GRM8: variants seen among roughly 807,000 people sequenced by gnomAD.
The protein encoded by GRM8 is glutamate metabotropic receptor 8, also known as metabotropic glutamate receptor 8.
Under a neutral mutation model 87.2 loss-of-function variants are expected in GRM8, and 47 were observed. The observed-to-expected ratio is 0.54, with a 90% CI of 0.43 to 0.69. The LOEUF (loss-of-function observed/expected upper bound fraction) is 0.69. Ranked by LOEUF, GRM8 falls within the 30% of genes least tolerant of loss-of-function variation. GRM8 has a pLI of 0.00. For synonymous variants in GRM8, 396 were observed against 404.5 expected, an observed-to-expected ratio of 0.98 and a Z score of 0.25; for missense variants, 1,019 against 1,139.2, an observed-to-expected ratio of 0.89 and a Z score of 1.52.
chr7:127,121,378 A>C (rs1459390122), intron 2 of GRM8, among the ~76,000 whole-genome samples: 1 of 152,118 alleles, frequency 6.6e-6, no homozygotes, highest in Middle Eastern at 3.2e-3. Context: ...CTTGGGAATG[A>C]GTCTTCTCTG....
intron 6 of GRM8, among the ~76,000 whole-genome samples, chr7:126,798,685 A>T (rs1822271309): frequency 6.6e-6 from 1 of 152,146 alleles, no homozygotes; most frequent in Non-Finnish European, 1.5e-5. Context: ...GTTTCCTTCA[A>T]CAAGACGTTT....
At chr7:127,216,857 C>G (rs1399271472) in intron 2 of GRM8, among the ~76,000 whole-genome samples, 2 of 152,076 alleles carry the variant, frequency 1.3e-5, no homozygotes, top group South Asian at 2.1e-4. Context: ...TACATGGGTC[C>G]CACTTCTCAT....
At chr7:126,732,428 T>C (rs1813706953) in intron 7 of GRM8, among the ~76,000 whole-genome samples, 1 of 152,156 alleles carries the variant, frequency 6.6e-6, no homozygotes, top group South Asian at 2.1e-4. Flanking sequence ...GCATCTTGTG[T>C]GAATTGTGCC....
chr7:126,649,053 C>T (rs1338531292), intron 7 of GRM8, among the ~76,000 whole-genome samples: 1 of 152,200 alleles, frequency 6.6e-6, no homozygotes, highest in African/African-American at 2.4e-5. Flanking sequence ...ATCACACTAT[C>T]TTAATCTATG....
chr7:127,184,537 C>G (rs1794639368), intron 2 of GRM8, among the ~76,000 whole-genome samples: 1 of 151,906 alleles, frequency 6.6e-6, no homozygotes, highest in Non-Finnish European at 1.5e-5. Flanking sequence ...CACTTCCTTA[C>G]TTAATAGTGA....
chr7:126,985,618 A>G (rs1206579766), intron 3 of GRM8, among the ~76,000 whole-genome samples: 1 of 152,200 alleles, frequency 6.6e-6, no homozygotes, highest in African/African-American at 2.4e-5. Flanking sequence ...GGTGAGAGCC[A>G]TCTTGCTGGC....
intron 2 of GRM8, among the ~76,000 whole-genome samples, chr7:127,127,925 T>A (rs955573037): frequency 7.2e-5 from 11 of 152,062 alleles, no homozygotes; most frequent in Non-Finnish European, 1.5e-4. Context: ...TCAACACTCA[T>A]GTTCATGCAA....
chr7:126,837,063 A>AT (rs1298522643), intron 6 of GRM8, among the ~76,000 whole-genome samples: 29 of 77,548 alleles, frequency 3.7e-4, no homozygotes, highest in East Asian at 1.7e-3. Context: ...GATTTAAGAC[A>AT]TTATTTTTTT....
At position 127,252,866 on chromosome 7, in the gene GRM8, C is replaced by T. The variant is rs1028081800; in HGVS notation, c.-381G>A. ...CGCAGCTCCATGTCAGCGCCGCCGC[C>T]GCCGCCGCCGCCGCCGCGTGAGGCG... is the stretch of plus-strand genomic sequence containing the variant. On this transcript the variant is annotated 5_prime_UTR_variant, in exon 1 of 11. Coordinates refer to ENST00000339582, the MANE Select transcript of GRM8 (RefSeq NM_000845.3). The surrounding 1 kb of genome is among the most constrained non-coding windows in gnomAD (Gnocchi z 4.9). 4 of 220,186 alleles carry T rather than the reference C, an allele frequency of 1.8e-5. No individual in the cohort carries two copies. Among genetic ancestry groups the T allele is most frequent in the South Asian group, 6.4e-5 (1 of 15,688 alleles). The allele number at this position is 220,186 out of a possible 1,614,324, so 13.6% of individuals were successfully genotyped here. A position where few individuals can be genotyped will look rare whatever the true frequency, so the allele number is the denominator to read the frequency against.
At chr7:126,770,830 G>A (rs977637139) in intron 6 of GRM8, among the ~76,000 whole-genome samples, 2 of 152,060 alleles carry the variant, frequency 1.3e-5, no homozygotes, top group South Asian at 2.1e-4. Context: ...TTTTGAAAGC[G>A]AGGAAACTAA....
At chr7:126,467,775 G>T (rs955834243) in intron 9 of GRM8, among the ~76,000 whole-genome samples, 2 of 152,016 alleles carry the variant, frequency 1.3e-5, no homozygotes, top group African/African-American at 2.4e-5. Context: ...ATATGTTTAA[G>T]AATTTTTTAA....
At chr7:127,235,635 T>TA (rs1284874959) in intron 2 of GRM8, among the ~76,000 whole-genome samples, 8 of 152,192 alleles carry the variant, frequency 5.3e-5, no homozygotes, top group South Asian at 2.1e-4. Context: ...AAGCAATTAT[T>TA]AAAAAAATAA....
At chr7:127,160,210 C>T (rs1793010811) in intron 2 of GRM8, among the ~76,000 whole-genome samples, 1 of 151,900 alleles carries the variant, frequency 6.6e-6, no homozygotes, top group African/African-American at 2.4e-5. Flanking sequence ...CTTTATAACC[C>T]CTCCTTGCAA....
chr7:127,129,144 T>C (rs1467213942), intron 2 of GRM8, among the ~76,000 whole-genome samples: 4 of 152,192 alleles, frequency 2.6e-5, no homozygotes, highest in Admixed American at 2.0e-4. Flanking sequence ...GTGAATTTCA[T>C]AGCAGGAACC....
chr7:126,741,669 C>T (rs1353931291), intron 7 of GRM8, among the ~76,000 whole-genome samples: 1 of 152,016 alleles, frequency 6.6e-6, no homozygotes, highest in Non-Finnish European at 1.5e-5. Flanking sequence ...AAAATCCTAG[C>T]TTTGTTATTT....
intron 9 of GRM8, among the ~76,000 whole-genome samples, chr7:126,457,647 C>A (rs370376094): frequency 1.3e-4 from 19 of 151,186 alleles, no homozygotes; most frequent in Non-Finnish European, 2.5e-4. Context: ...ATATTTTGAA[C>A]TGAATAATAA....
rs1274022246 is a variant in GRM8, at chr7:126,793,555, T to C, written c.1157-23490A>G. Among the ~76,000 whole-genome samples, 5 of 152,304 alleles carry C rather than the reference T, an allele frequency of 3.3e-5. No individual in the cohort carries two copies. In the East Asian group the frequency reaches 5.8e-4, roughly 18 times the overall value. On this transcript the variant is annotated intron_variant, in intron 6 of 10. Coordinates refer to ENST00000339582, the MANE Select transcript of GRM8 (RefSeq NM_000845.3). ...TGTAAAGAGTTATATAAACCTGATT[T>C]CCTAGTTTCTCTGCGAGGATTTACT...
At chr7:126,853,297 G>A (rs1280519920) in intron 6 of GRM8, among the ~76,000 whole-genome samples, 1 of 152,186 alleles carries the variant, frequency 6.6e-6, no homozygotes, top group East Asian at 1.9e-4. Flanking sequence ...TGTAATAACA[G>A]ATGATGGAGG....
intron 3 of GRM8, among the ~76,000 whole-genome samples, chr7:126,919,913 G>T (rs1445004319): frequency 2.6e-5 from 4 of 152,104 alleles, no homozygotes; most frequent in African/African-American, 9.7e-5. Context: ...GCATGGCCTG[G>T]CCTCTTGCTG....
Sources: gnomAD v4.1 joint callset for allele counts (sites outside exome capture counted in the v4.1 genomes callset) on GRCh38, gnomAD v4.1.1 for gene constraint, Gnocchi (gnomAD v3.1) non-coding constraint, MANE v1.5 for transcripts, NCBI Gene and HGNC (gene_info 2026-07-23, HGNC 2026-07-21) for gene names.